The following CDK12 variants were observed in gnomAD, a reference collection of about 807,000 sequenced individuals.
The protein encoded by CDK12 is cyclin-dependent kinase 12.
In CDK12, 17 loss-of-function variants were observed where a neutral mutation model predicts 133.8. That is an observed-to-expected ratio of 0.13 (90% CI 0.09 to 0.19). CDK12 has a LOEUF of 0.19. Ranked by LOEUF, CDK12 falls within the 10% of genes least tolerant of loss-of-function variation. CDK12 has a pLI of 1.00. For synonymous variants in CDK12, 694 were observed against 683.6 expected (o/e 1.02, Z -0.24); for missense variants, 1,508 against 1,818.7 (o/e 0.83, Z 3.11).
downstream of CDK12, among the ~76,000 whole-genome samples, chr17:39,565,099 T>C (rs932709377): frequency 1.3e-5 from 2 of 152,068 alleles, no homozygotes; most frequent in African/African-American, 4.8e-5. Flanking sequence ...GTCCCTCTCA[T>C]ATTTCTTTTG....
intron 2 of CDK12, among the ~76,000 whole-genome samples, chr17:39,486,294 C>G (rs1275256468): frequency 3.1e-5 from 4 of 130,772 alleles, no homozygotes; most frequent in African/African-American, 1.2e-4. Context: ...CAGAATCTTG[C>G]TCTGTCACTT....
intron 3 of CDK12, among the ~76,000 whole-genome samples, chr17:39,560,860 C>T (rs2056347036): frequency 6.6e-6 from 1 of 152,164 alleles, no homozygotes; most frequent in Non-Finnish European, 1.5e-5. Flanking sequence ...ACTAAAAATA[C>T]AAAAATTAGC....
At chr17:39,492,099 C>CTTT (rs781378233) in intron 3 of CDK12, among the ~76,000 whole-genome samples, 3 of 127,048 alleles carry the variant, frequency 2.4e-5, no homozygotes, top group East Asian at 2.4e-4. Flanking sequence ...ATTTTCTTTT[C>CTTT]TTTTTTTTTT....
chr17:39,561,186 A>G (rs2056361390), intron 3 of CDK12, among the ~76,000 whole-genome samples: 1 of 152,224 alleles, frequency 6.6e-6, no homozygotes, highest in South Asian at 2.1e-4. Flanking sequence ...GATGCCTATC[A>G]GAGGATGAGA....
At chr17:39,486,889 TC>T (rs2051175962) in intron 2 of CDK12, among the ~76,000 whole-genome samples, 1 of 152,010 alleles carries the variant, frequency 6.6e-6, no homozygotes, top group Admixed American at 6.6e-5. Flanking sequence ...ACGCCTGTAG[TC>T]CCAGCTACTT....
chr17:39,492,397 A>G (rs1265509330), intron 3 of CDK12, among the ~76,000 whole-genome samples: 1 of 99,534 alleles, frequency 1.0e-5, no homozygotes, highest in Non-Finnish European at 2.1e-5. Context: ...AGCCCGGCCA[A>G]TTTCATTTTC....
intron 2 of CDK12, among the ~76,000 whole-genome samples, chr17:39,481,036 C>T (rs8064774): frequency 6.6e-6 from 1 of 152,004 alleles, no homozygotes; most frequent in African/African-American, 2.4e-5. Context: ...GGCGGATCAC[C>T]TGAGGTCGGG....
At chr17:39,469,636 CTTTT>C (rs1232951407) in intron 1 of CDK12, among the ~76,000 whole-genome samples, 3 of 132,806 alleles carry the variant, frequency 2.3e-5, no homozygotes, top group African/African-American at 2.8e-5. Flanking sequence ...AGTATGACTT[CTTTT>C]TTTTTTTTTT....
At chr17:39,501,461 A>G (rs1336259813) in intron 6 of CDK12, 22 bp downstream of exon 6, 20 of 1,548,874 alleles carry the variant, frequency 1.3e-5, no homozygotes, top group Non-Finnish European at 1.7e-5. Context: ...ACCAAATAAG[A>G]TTAAGCACTT....
intron 1 of CDK12, among the ~76,000 whole-genome samples, chr17:39,466,704 G>C (rs2049348374): frequency 8.9e-6 from 1 of 112,264 alleles, no homozygotes; most frequent in African/African-American, 3.2e-5. Context: ...GTAAAAATAA[G>C]TTTAGAAAAA....
chr17:39,488,812 A>T (rs2051339350), intron 2 of CDK12, among the ~76,000 whole-genome samples: 1 of 152,050 alleles, frequency 6.6e-6, no homozygotes, highest in Non-Finnish European at 1.5e-5. Flanking sequence ...GTGCAATGGC[A>T]TGGTGATGGC....
intron 2 of CDK12, among the ~76,000 whole-genome samples, chr17:39,489,143 C>T (rs1057071661): frequency 2.0e-5 from 3 of 150,730 alleles, no homozygotes; most frequent in African/African-American, 4.9e-5. Context: ...TGCAGTGGCG[C>T]GATCTCAGCT....
chr17:39,499,952 A>G (rs1459227986), intron 5 of CDK12, among the ~76,000 whole-genome samples: 3 of 152,246 alleles, frequency 2.0e-5, no homozygotes, highest in Admixed American at 2.0e-4. Context: ...TGTGTTACAA[A>G]TACAACTTCA....
chr17:39,464,427 G>A (rs575756075), intron 1 of CDK12, among the ~76,000 whole-genome samples: 6 of 150,248 alleles, frequency 4.0e-5, no homozygotes, highest in Non-Finnish European at 5.9e-5. Flanking sequence ...GTAGAGACTG[G>A]GTTTTGCCCT....
At chr17:39,475,444 G>A (rs867335375) in intron 2 of CDK12, among the ~76,000 whole-genome samples, 3 of 152,006 alleles carry the variant, frequency 2.0e-5, no homozygotes, top group South Asian at 2.1e-4. Flanking sequence ...CTGTACGCCA[G>A]CTTGTGTGAA....
At chr17:39,537,493 G>C (rs1438255365), downstream of CDK12, among the ~76,000 whole-genome samples, 1 of 152,078 alleles carries the variant, frequency 6.6e-6, no homozygotes, top group African/African-American at 2.4e-5. Flanking sequence ...GGGAGAACTA[G>C]AAGAGTCTGG....
At chr17:39,509,909 C>A in intron 7 of CDK12, 148 bp downstream of exon 7, 1 of 653,602 alleles carries the variant, frequency 1.5e-6, no homozygotes, top group Non-Finnish European at 2.7e-6. Context: ...TCAGGTGATT[C>A]TCCCACCTTA....
chr17:39,510,735 T>C (rs1484658215), intron 7 of CDK12, among the ~76,000 whole-genome samples: 1 of 151,416 alleles, frequency 6.6e-6, no homozygotes, highest in African/African-American at 2.4e-5. Context: ...TGCCTCAGCC[T>C]CCTGACTAGC....
chr17:39,485,417 T>C lies in CDK12; in HGVS notation c.1932-5140T>C, dbSNP rs1014259473. 8.6e-3 allele frequency among the ~76,000 whole-genome samples: 1,256 copies of C among 145,524 alleles called. 25 individuals carry two copies. The highest frequency in any genetic ancestry group is 0.03 in the African/African-American group (1,187 of 39,364). On this transcript the variant is annotated intron_variant, in intron 2 of 13. Transcript: ENST00000447079. The stretch of plus-strand genomic sequence containing the variant: ...CTTAGGCATCCCCCCCCTTTTTTTT[T>C]TTTTTTTTTTTTTGGGAAACAGAGT...
Sources: gnomAD v4.1 joint callset for allele counts (sites outside exome capture counted in the v4.1 genomes callset) on GRCh38, gnomAD v4.1.1 for gene constraint, MANE v1.5 for transcripts, NCBI Gene and HGNC (gene_info 2026-07-23, HGNC 2026-07-21) for gene names.